CPLX2: variants seen among roughly 807,000 people sequenced by gnomAD.
The protein encoded by CPLX2 is complexin 2, also known as complexin-2.
A neutral mutation model predicts 16.3 loss-of-function variants in CPLX2; 5 were observed. The ratio of observed to expected loss-of-function variants is 0.31; its 90% CI spans 0.16 to 0.64. The LOEUF is 0.64. Ranked by LOEUF, CPLX2 falls within the 30% of genes least tolerant of loss-of-function variation. CPLX2 has a pLI of 0.79. For missense variants in CPLX2, 144 were observed against 181.4 expected, an observed-to-expected ratio of 0.79 and a Z score of 1.18; for synonymous variants, 89 against 73.2, an observed-to-expected ratio of 1.22 and a Z score of -1.10.
chr5:175,802,243 GGTGTTGAC>G (rs1362673627), intron 1 of CPLX2, among the ~76,000 whole-genome samples: 1 of 152,134 alleles, frequency 6.6e-6, no homozygotes, highest in African/African-American at 2.4e-5. Context: ...AACTTCCAGA[GGTGTTGAC>G]GTGGGGTCTC....
At chr5:175,840,559 C>T (rs1758926989) in intron 2 of CPLX2, among the ~76,000 whole-genome samples, 2 of 152,198 alleles carry the variant, frequency 1.3e-5, no homozygotes, top group African/African-American at 4.8e-5. Flanking sequence ...TAGATGCCTC[C>T]TTCTTTCACT....
At chr5:175,858,800 C>T (rs970599951) in intron 2 of CPLX2, among the ~76,000 whole-genome samples, 2 of 152,214 alleles carry the variant, frequency 1.3e-5, no homozygotes, top group African/African-American at 2.4e-5. Flanking sequence ...CCTGCCAGTA[C>T]CTCTTTGATA....
At chr5:175,808,278 G>A (rs1758248973) in intron 1 of CPLX2, among the ~76,000 whole-genome samples, 1 of 152,082 alleles carries the variant, frequency 6.6e-6, no homozygotes, top group African/African-American at 2.4e-5. Context: ...TCCTAAATAT[G>A]TGATACCAAA....
chr5:175,806,237 C>T (rs1366951302), intron 1 of CPLX2, among the ~76,000 whole-genome samples: 1 of 152,080 alleles, frequency 6.6e-6, no homozygotes. Context: ...AGCCACCTTC[C>T]TCCCAGTTCC....
In CPLX2 at chr5:175,862,418, A is replaced by T. The variant is rs1403123858; in HGVS notation, c.-88-16234A>T. Among the ~76,000 whole-genome samples, 5 of 152,226 alleles carry T rather than the reference A, an allele frequency of 3.3e-5. No individual in the cohort carries two copies. In the East Asian group the frequency reaches 9.6e-4, roughly 29 times the overall value. ...GCTCTAGCTGTGCCATGATGGTCAA[A>T]GCAAAGGTTTGCCAAGTGCACAGAG... On this transcript the variant is annotated intron_variant, in intron 2 of 4. Transcript: ENST00000359546.
intron 1 of CPLX2, among the ~76,000 whole-genome samples, chr5:175,797,708 C>G (rs1408173633): frequency 6.6e-6 from 1 of 152,146 alleles, no homozygotes; most frequent in Non-Finnish European, 1.5e-5. Flanking sequence ...CTCCCTCACT[C>G]CCCGGGTTCC....
chr5:175,880,360 C>A lies in CPLX2; in HGVS notation c.*315C>A, dbSNP rs1359033285. The stretch of plus-strand genomic sequence containing the variant: ...CCCATACATTCCTCCCTGCTCCCCA[C>A]TGCCAGGAGGACCACTGTCCCCAGC... On this transcript the variant is annotated 3_prime_UTR_variant, in exon 4 of 4. Transcript: ENST00000393745. The A allele has an allele frequency of 4.7e-6, 2 of 426,298 alleles. No homozygotes were observed. Among genetic ancestry groups the A allele is most frequent in the Non-Finnish European group, 8.8e-6 (2 of 226,082 alleles). 26.4% of individuals were successfully genotyped at this position (426,298 alleles called of 1,614,324 possible).
intron 2 of CPLX2, among the ~76,000 whole-genome samples, chr5:175,821,885 G>A (rs1055704065): frequency 6.6e-6 from 1 of 152,212 alleles, no homozygotes; most frequent in African/African-American, 2.4e-5. Flanking sequence ...AAGTGAAATG[G>A]GGAGGCTGAA....
In CPLX2 at chr5:175,880,015, C is replaced by A; in HGVS notation, c.375C>A (p.Pro125=). The change falls in exon 4 of 4, where the codon CCC becomes CCA. Residue 125 remains proline (P), a synonymous_variant. Coordinates refer to ENST00000393745, the MANE Select transcript of CPLX2 (RefSeq NM_001008220.2). ...TGGACACGGTGCTCAAATACCTGCCCGGGCCGCTGCAGGACATGTTCAAGA... is the reference window on the plus strand; with the variant it reads ...TGGACACGGTGCTCAAATACCTGCCAGGGCCGCTGCAGGACATGTTCAAGA... ...SILDTVLKYL[P]GPLQDMFKK The A allele has an allele frequency of 6.2e-7, 1 of 1,613,630 alleles. No individual in the cohort carries two copies. Among genetic ancestry groups the A allele is most frequent in the Non-Finnish European group, 8.5e-7 (1 of 1,179,826 alleles).
intron 2 of CPLX2, among the ~76,000 whole-genome samples, chr5:175,832,892 T>C (rs574053892): frequency 2.0e-5 from 3 of 152,278 alleles, no homozygotes; most frequent in South Asian, 2.1e-4. Context: ...TGGTGGCTCA[T>C]GCCTGTGATC....
At chr5:175,828,689 C>T (rs560803448) in intron 2 of CPLX2, among the ~76,000 whole-genome samples, 2 of 152,260 alleles carry the variant, frequency 1.3e-5, no homozygotes, top group South Asian at 4.2e-4. Flanking sequence ...CCTCTCTGAG[C>T]CTCAGTGACC....
At chr5:175,848,015 T>G (rs1759082371) in intron 2 of CPLX2, among the ~76,000 whole-genome samples, 1 of 152,284 alleles carries the variant, frequency 6.6e-6, no homozygotes, top group Non-Finnish European at 1.5e-5. Flanking sequence ...TGATGCTTGC[T>G]TTGTGCCAGG....
At chr5:175,817,542 A>G (rs1461979155) in intron 2 of CPLX2, among the ~76,000 whole-genome samples, 1 of 152,178 alleles carries the variant, frequency 6.6e-6, no homozygotes, top group Non-Finnish European at 1.5e-5. Context: ...GATGACAAGA[A>G]GCTCACTACT....
chr5:175,821,264 T>C (rs1243376899), intron 2 of CPLX2, among the ~76,000 whole-genome samples: 1 of 151,952 alleles, frequency 6.6e-6, no homozygotes, highest in Non-Finnish European at 1.5e-5. Context: ...CAGGACACTC[T>C]TTCTCCCTTC....
In CPLX2 at chr5:175,823,420, G is replaced by T. The variant is rs117385467; in HGVS notation, c.-89+14352G>T. ...GGAGCGTATGAACGATGGACGATTG[G>T]TTGGATAATGAGTGGATGAAGGGAT... On this transcript the variant is annotated intron_variant, in intron 2 of 4. Transcript: ENST00000359546. Among the ~76,000 whole-genome samples the T allele has an allele frequency of 3.9e-5, 6 of 152,300 alleles. No homozygotes were observed. The East Asian group carries it at 5.8e-4, about 15-fold the overall frequency.
chr5:175,833,530 A>G (rs887305337), intron 2 of CPLX2, among the ~76,000 whole-genome samples: 7 of 152,200 alleles, frequency 4.6e-5, no homozygotes, highest in African/African-American at 1.7e-4. Flanking sequence ...CTAAGCTGAG[A>G]CCAGAGGAAG....
rs951130397 is a variant in CPLX2 at position 175,823,709 on chromosome 5, A to G, written c.-89+14641A>G. 2.0e-5 allele frequency among the ~76,000 whole-genome samples: 3 copies of G among 152,202 alleles called. 1 individual carries two copies. The South Asian group carries it at 6.2e-4, about 31-fold the overall frequency. ...CAAAATCAGACAGCACCTAAGTGACACTTGAACCCAGGGCTGTGTGATGAT... is the reference window on the plus strand; with the variant it reads ...CAAAATCAGACAGCACCTAAGTGACGCTTGAACCCAGGGCTGTGTGATGAT... On this transcript the variant is annotated intron_variant, in intron 2 of 4. Coordinates refer to the CPLX2 transcript ENST00000359546.
At chr5:175,819,884 G>A (rs367937686) in intron 2 of CPLX2, among the ~76,000 whole-genome samples, 1 of 152,242 alleles carries the variant, frequency 6.6e-6, no homozygotes, top group East Asian at 1.9e-4. Context: ...AGCCCAGGGA[G>A]GAATAGAACA....
At chr5:175,860,591 G>GAAGA (rs1169901070) in intron 2 of CPLX2, among the ~76,000 whole-genome samples, 3 of 116,000 alleles carry the variant, frequency 2.6e-5, no homozygotes, top group Admixed American at 8.0e-5. Flanking sequence ...GGGAGGGAAG[G>GAAGA]AAGGAAGGAA....
Sources: gnomAD v4.1 joint callset for allele counts (sites outside exome capture counted in the v4.1 genomes callset) on GRCh38, gnomAD v4.1.1 for gene constraint, MANE v1.5 for transcripts, NCBI Gene and HGNC (gene_info 2026-07-23, HGNC 2026-07-21) for gene names.